Variants in RFTN1 observed in about 807,000 individuals in gnomAD.
RFTN1 encodes the protein raftlin, lipid raft linker 1.
Under a neutral mutation model 46.5 loss-of-function variants are expected in RFTN1, and 26 were observed. The observed-to-expected ratio is 0.56, with a 90% CI of 0.41 to 0.78. The LOEUF is 0.78. Ranked by LOEUF, RFTN1 falls within the 30% of genes least tolerant of loss-of-function variation. The pLI is 0.00. For synonymous variants in RFTN1, 261 were observed against 284.2 expected, an observed-to-expected ratio of 0.92 and a Z score of 0.82; for missense variants, 693 against 718.7, an observed-to-expected ratio of 0.96 and a Z score of 0.41.
chr3:16,433,744 A>C lies in RFTN1; in HGVS notation c.332+107T>G. 5.3e-6 allele frequency: 6 copies of C among 1,142,822 alleles called. No individual in the cohort carries two copies. Among genetic ancestry groups the C allele is most frequent in the Non-Finnish European group, 7.9e-6 (6 of 760,740 alleles). The allele number at this position is 1,142,822 out of a possible 1,614,324, so 70.8% of individuals were successfully genotyped here. A position where few individuals can be genotyped will look rare whatever the true frequency, so the allele number is the denominator to read the frequency against. The stretch of plus-strand genomic sequence containing the variant: ...CTGTCTGAGGGCTGAGGCCCTGAGG[A>C]CAGCATGCAAATTTCAACCCCCAAC... On this transcript the variant is annotated intron_variant, in intron 3 of 9. Coordinates refer to ENST00000334133, the MANE Select transcript of RFTN1 (RefSeq NM_015150.2). This position sits in a 1 kb window ranked among gnomAD's most constrained non-coding sequence, Gnocchi z 4.4.
chr3:16,435,524 T>C (rs1241645822), intron 2 of RFTN1, among the ~76,000 whole-genome samples: 3 of 152,106 alleles, frequency 2.0e-5, no homozygotes, highest in African/African-American at 7.2e-5. Flanking sequence ...GAGCCGAGAT[T>C]GCGCCACTGC....
At chr3:16,439,200 T>C (rs534388598) in intron 2 of RFTN1, among the ~76,000 whole-genome samples, 318 of 152,332 alleles carry the variant, frequency 2.1e-3, no homozygotes, top group Non-Finnish European at 4.0e-3. Context: ...ATGTTTCTAT[T>C]TGAACCCTAA....
chr3:16,363,704 G>T (rs2072971396), intron 6 of RFTN1, among the ~76,000 whole-genome samples: 1 of 152,228 alleles, frequency 6.6e-6, no homozygotes, highest in South Asian at 2.1e-4. Context: ...CAGGGTTAAA[G>T]ACAAAGTGTT....
At position 16,426,496 on chromosome 3, in the gene RFTN1, T is replaced by C; in HGVS notation, c.332+7355A>G. 6.6e-6 allele frequency among the ~76,000 whole-genome samples: 1 copy of C among 152,042 alleles called. No individual in the cohort carries two copies. The highest frequency in any genetic ancestry group is 1.9e-4 in the East Asian group (1 of 5,204). On this transcript the variant is annotated intron_variant, in intron 3 of 9. Transcript: ENST00000334133. The surrounding 1 kb of genome is among the most constrained non-coding windows in gnomAD (Gnocchi z 5.9). ...AATGTTCATATTATCTTGTAGGCTA[T>C]AAAAAAAAGATAACATAATGCATTT...
rs73022293 is a variant in RFTN1 at position 16,443,941 on chromosome 3, A to G, written c.146-9904T>C. ...AAGACACAGGCTAAGATACATCAAG[A>G]AGCCTTTTTAAGAAACACCAGGTCC... On this transcript the variant is annotated intron_variant, in intron 2 of 9. Coordinates refer to ENST00000334133, the MANE Select transcript of RFTN1 (RefSeq NM_015150.2). This position sits in a 1 kb window ranked among gnomAD's most constrained non-coding sequence, Gnocchi z 5.5. Among the ~76,000 whole-genome samples the G allele has an allele frequency of 0.045, 6,876 of 152,282 alleles. 210 individuals carry two copies. Among genetic ancestry groups the G allele is most frequent in the Middle Eastern group, 0.068 (20 of 294 alleles).
In RFTN1 at chr3:16,440,815, C is replaced by T. The variant is rs1042279901; in HGVS notation, c.146-6778G>A. Among the ~76,000 whole-genome samples the T allele has an allele frequency of 6.6e-6, 1 of 152,162 alleles. No individual in the cohort carries two copies. Among genetic ancestry groups the T allele is most frequent in the Non-Finnish European group, 1.5e-5 (1 of 68,036 alleles). The stretch of plus-strand genomic sequence containing the variant: ...TTTCTCAATCCCATATGGCCAAAGT[C>T]AAGACCTAGCAGCCTGCAGAGTATG... On this transcript the variant is annotated intron_variant, in intron 2 of 9. Coordinates refer to ENST00000334133, the MANE Select transcript of RFTN1 (RefSeq NM_015150.2). This position sits in a 1 kb window ranked among gnomAD's most constrained non-coding sequence, Gnocchi z 4.6.
In RFTN1 at chr3:16,477,623, G is replaced by A. The variant is rs1391321235; in HGVS notation, c.145+16102C>T. Among the ~76,000 whole-genome samples the A allele has an allele frequency of 5.9e-5, 9 of 152,262 alleles. No homozygotes were observed. The South Asian group carries it at 1.2e-3, about 21-fold the overall frequency. The stretch of plus-strand genomic sequence containing the variant: ...AGAGCCAAACCTCATTACCACTGAC[G>A]GCAGCGACCAGATGCTGGCACCCAG... On this transcript the variant is annotated intron_variant, in intron 2 of 9. Transcript: ENST00000334133.
At chr3:16,476,755 A>G (rs1211940929) in intron 2 of RFTN1, among the ~76,000 whole-genome samples, 1 of 152,180 alleles carries the variant, frequency 6.6e-6, no homozygotes, top group African/African-American at 2.4e-5. Flanking sequence ...CGTGGGGGAA[A>G]CTGTTTGTTT....
In RFTN1 at chr3:16,481,055, G is replaced by A. The variant is rs530307494; in HGVS notation, c.145+12670C>T. ...CCTGAGCCCATTTTCATACAAGACT[G>A]AGTAGTGTTGCTTCTTGGTCTGGAT... On this transcript the variant is annotated intron_variant, in intron 2 of 9. Transcript: ENST00000334133. The surrounding 1 kb of genome is among the most constrained non-coding windows in gnomAD (Gnocchi z 5.1). 6.6e-6 allele frequency among the ~76,000 whole-genome samples: 1 copy of A among 151,746 alleles called. No homozygotes were observed. Among genetic ancestry groups the A allele is most frequent in the South Asian group, 2.1e-4 (1 of 4,788 alleles).
At chr3:16,365,826 C>CA (rs80003023) in intron 6 of RFTN1, among the ~76,000 whole-genome samples, 37,394 of 136,996 alleles carry the variant, frequency 0.27, 5,764 homozygotes, top group Non-Finnish European at 0.36. Context: ...AACCATCATG[C>CA]AGGCCATTCT....
At position 16,451,899 on chromosome 3, in the gene RFTN1, C is replaced by T. The variant is rs2075828436; in HGVS notation, c.146-17862G>A. Among the ~76,000 whole-genome samples the T allele has an allele frequency of 6.6e-6, 1 of 152,128 alleles. No individual in the cohort carries two copies. Among genetic ancestry groups the T allele is most frequent in the South Asian group, 2.1e-4 (1 of 4,822 alleles). ...CATCACTAGCTTTGTGCTTTGGGGC[C>T]ACTGTTGAGTAAAATAAGGGTGACT... On this transcript the variant is annotated intron_variant, in intron 2 of 9. Coordinates refer to ENST00000334133, the MANE Select transcript of RFTN1 (RefSeq NM_015150.2). The surrounding 1 kb of genome is among the most constrained non-coding windows in gnomAD (Gnocchi z 4.2).
chr3:16,487,286 G>C (rs2076463038), intron 2 of RFTN1, among the ~76,000 whole-genome samples: 1 of 152,160 alleles, frequency 6.6e-6, no homozygotes, highest in Admixed American at 6.5e-5. Context: ...TGGAATCAAT[G>C]AATCCTCTTA....
In RFTN1 at chr3:16,452,353, G is replaced by A. The variant is rs922364003; in HGVS notation, c.146-18316C>T. ...AGGGAAAAGTAATTTTAAAATGTGC[G>A]GGGTTACATTCAGATACCTTTGTAA... On this transcript the variant is annotated intron_variant, in intron 2 of 9. Transcript: ENST00000334133. The surrounding 1 kb of genome is among the most constrained non-coding windows in gnomAD (Gnocchi z 6.3). Among the ~76,000 whole-genome samples the A allele has an allele frequency of 2.7e-4, 41 of 152,054 alleles. No individual in the cohort carries two copies. Among genetic ancestry groups the A allele is most frequent in the African/African-American group, 8.9e-4 (37 of 41,404 alleles).
rs2075013144 is a variant in RFTN1 at position 16,413,482 on chromosome 3, C to T, written c.333-3999G>A. Among the ~76,000 whole-genome samples, 1 of 152,176 alleles carries T rather than the reference C, an allele frequency of 6.6e-6. No individual in the cohort carries two copies. The highest frequency in any genetic ancestry group is 1.5e-5 in the Non-Finnish European group (1 of 68,030). ...GTAGTGGAAATACCAGGTATGCTCC[C>T]CAAAGGGCCATGTCATTGTATCATC... On this transcript the variant is annotated intron_variant, in intron 3 of 9. Coordinates refer to ENST00000334133, the MANE Select transcript of RFTN1 (RefSeq NM_015150.2). The surrounding 1 kb of genome is among the most constrained non-coding windows in gnomAD (Gnocchi z 4.7).
chr3:16,471,857 G>C (rs1429225066), intron 2 of RFTN1: 1 of 151,960 alleles, frequency 6.6e-6, no homozygotes, highest in African/African-American at 2.4e-5. Context: ...GGTTTAGAAG[G>C]ACACTCTCCT....
chr3:16,453,604 A>C (rs188199448), intron 2 of RFTN1, among the ~76,000 whole-genome samples: 15 of 152,376 alleles, frequency 9.8e-5, no homozygotes, highest in Admixed American at 9.8e-4. Flanking sequence ...GCCTTTTAAA[A>C]ATGTAATGTT....
At chr3:16,358,516 G>T (rs2072615178) in intron 6 of RFTN1, among the ~76,000 whole-genome samples, 1 of 151,616 alleles carries the variant, frequency 6.6e-6, no homozygotes, top group Non-Finnish European at 1.5e-5. Flanking sequence ...ATTTTTGGAA[G>T]TTCACATGAT....
At chr3:16,432,102 T>C (rs1328613939) in intron 3 of RFTN1, among the ~76,000 whole-genome samples, 1 of 152,214 alleles carries the variant, frequency 6.6e-6, no homozygotes, top group Non-Finnish European at 1.5e-5. Context: ...CAGTGAGTGC[T>C]CACTAAATAT....
At chr3:16,414,194 C>T (rs1394844202) in intron 3 of RFTN1, among the ~76,000 whole-genome samples, 1 of 151,842 alleles carries the variant, frequency 6.6e-6, no homozygotes, top group Non-Finnish European at 1.5e-5. Context: ...GTGACAAAAC[C>T]TCTGCCTTTG....
Sources: gnomAD v4.1 joint callset for allele counts (sites outside exome capture counted in the v4.1 genomes callset) on GRCh38, gnomAD v4.1.1 for gene constraint, Gnocchi (gnomAD v3.1) non-coding constraint, MANE v1.5 for transcripts, NCBI Gene and HGNC (gene_info 2026-07-23, HGNC 2026-07-21) for gene names.